The following SCARA5 variants were observed in gnomAD, a reference collection of about 807,000 sequenced individuals.
SCARA5 encodes the protein scavenger receptor class A, member 5 (putative).
A neutral mutation model predicts 46.3 loss-of-function variants in SCARA5; 45 were observed. The observed-to-expected ratio is 0.97, with a 90% CI of 0.76 to 1.24. The LOEUF (loss-of-function observed/expected upper bound fraction) is 1.24, where lower values mean the gene tolerates loss of function less well. Among genes scored for constraint, SCARA5 ranks in the 50% most tolerant of loss-of-function variants. The pLI is 0.00. For synonymous variants in SCARA5, 333 were observed against 306.5 expected (o/e 1.09, Z -0.90); for missense variants, 680 against 689.0 (o/e 0.99, Z 0.15).
chr8:27,917,691 C>T (rs990457595), intron 4 of SCARA5, among the ~76,000 whole-genome samples: 11 of 152,262 alleles, frequency 7.2e-5, no homozygotes, highest in Middle Eastern at 3.4e-3. Context: ...TGTGAGGATT[C>T]GTGGTCTTGA....
At chr8:27,885,628 G>A (rs1806883283) in intron 7 of SCARA5, among the ~76,000 whole-genome samples, 1 of 152,142 alleles carries the variant, frequency 6.6e-6, no homozygotes, top group Non-Finnish European at 1.5e-5. Context: ...CCTGAATGGA[G>A]AATCCAACAT....
chr8:27,927,457 CA>C (rs1354434205), intron 3 of SCARA5, among the ~76,000 whole-genome samples: 1 of 152,202 alleles, frequency 6.6e-6, no homozygotes, highest in South Asian at 2.1e-4. Context: ...TAACTCTGTT[CA>C]TATGCATATT....
At position 27,871,916 on chromosome 8, in the gene SCARA5, C is replaced by T. The variant is rs1317918852; in HGVS notation, c.*18G>A. On this transcript the variant is annotated 3_prime_UTR_variant, in exon 9 of 9. Transcript: ENST00000354914. ...AGGGTGCTCTGTGCAGGACCCCGAA[C>T]TTGGGCTCTGCCCACTTTCAGTGTC... 4.3e-6 allele frequency: 7 copies of T among 1,613,724 alleles called. No homozygotes were observed.
chr8:27,934,242 T>C (rs1163100518), intron 3 of SCARA5, among the ~76,000 whole-genome samples: 2 of 152,012 alleles, frequency 1.3e-5, no homozygotes, highest in African/African-American at 4.8e-5. Context: ...TAGGGATGCC[T>C]GCAGAAGAAA....
At chr8:27,980,562 T>C (rs1027788429) in intron 2 of SCARA5, among the ~76,000 whole-genome samples, 5 of 152,106 alleles carry the variant, frequency 3.3e-5, no homozygotes, top group African/African-American at 1.2e-4. Context: ...CTCCAGGCCA[T>C]GCCCGTCTGC....
chr8:27,990,969 G>C (rs1808778853), intron 1 of SCARA5, among the ~76,000 whole-genome samples: 1 of 152,264 alleles, frequency 6.6e-6, no homozygotes, highest in African/African-American at 2.4e-5. Context: ...TTCAGAGCCA[G>C]GGATCTGCTT....
At chr8:27,891,114 C>T (rs913383978) in intron 7 of SCARA5, among the ~76,000 whole-genome samples, 1 of 152,094 alleles carries the variant, frequency 6.6e-6, no homozygotes, top group Admixed American at 6.6e-5. Flanking sequence ...GACTCTGTAG[C>T]CAGGTGCTCT....
intron 2 of SCARA5, among the ~76,000 whole-genome samples, chr8:27,979,452 G>A (rs1193888358): frequency 6.6e-6 from 1 of 152,190 alleles, no homozygotes; most frequent in Non-Finnish European, 1.5e-5. Context: ...CCATTTCTTA[G>A]AGGAGGGGAA....
intron 1 of SCARA5, among the ~76,000 whole-genome samples, chr8:27,989,713 C>T (rs1369655235): frequency 6.6e-6 from 1 of 152,194 alleles, no homozygotes; most frequent in Non-Finnish European, 1.5e-5. Flanking sequence ...CTCCTCCCTG[C>T]CCCAGACACC....
At chr8:27,942,298 C>A (rs554110247) in intron 3 of SCARA5, among the ~76,000 whole-genome samples, 1 of 152,300 alleles carries the variant, frequency 6.6e-6, no homozygotes, top group Non-Finnish European at 1.5e-5. Context: ...TGCTGGAACG[C>A]ACAGCTTTTC....
At position 27,982,577 on chromosome 8, in the gene SCARA5, C is replaced by T. The variant is rs573593269; in HGVS notation, c.112+4927G>A. Among the ~76,000 whole-genome samples, 249 of 152,220 alleles carry T rather than the reference C, an allele frequency of 1.6e-3. 1 individual carries two copies. Among genetic ancestry groups the T allele is most frequent in the Middle Eastern group, 6.8e-3 (2 of 294 alleles). The stretch of plus-strand genomic sequence containing the variant: ...ATGCTCGGCTATTGCCCAGGATCCA[C>T]GAGGTGAGGAGGATGGGGCCTTCCA... On this transcript the variant is annotated intron_variant, in intron 2 of 8. Transcript: ENST00000354914.
intron 3 of SCARA5, among the ~76,000 whole-genome samples, chr8:27,944,893 C>T (rs151036168): frequency 5.9e-5 from 9 of 152,024 alleles, no homozygotes; most frequent in African/African-American, 1.4e-4. Flanking sequence ...AGGTCAGGCG[C>T]TGTGACTCAT....
intron 3 of SCARA5, among the ~76,000 whole-genome samples, chr8:27,957,347 C>G (rs535411809): frequency 1.3e-5 from 2 of 152,320 alleles, no homozygotes; most frequent in African/African-American, 4.8e-5. Context: ...TAACAAACAC[C>G]AATGATACAT....
chr8:27,922,078 C>CT lies in SCARA5; in HGVS notation c.408dup (p.Asp137ArgfsTer59). On this transcript the variant is annotated frameshift_variant, in exon 4 of 9. Transcript: ENST00000354914. LOFTEE classifies it high-confidence loss of function. The stretch of plus-strand genomic sequence containing the variant: ...GCGCCCGCCAGCGCCAGCAACGAGT[C>CT]TGACTGGTTCTGCAGCGCGTCCTGC... 5 of 1,598,366 alleles carry CT rather than the reference C, an allele frequency of 3.1e-6. No individual in the cohort carries two copies. Among genetic ancestry groups the CT allele is most frequent in the Non-Finnish European group, 4.3e-6 (5 of 1,174,352 alleles).
chr8:27,873,665 G>A (rs554914591), intron 8 of SCARA5, among the ~76,000 whole-genome samples: 21 of 151,166 alleles, frequency 1.4e-4, no homozygotes, highest in South Asian at 4.2e-4. Flanking sequence ...GACTCAACCC[G>A]CCTGCACCCA....
intron 7 of SCARA5, among the ~76,000 whole-genome samples, chr8:27,891,128 G>T (rs997350592): frequency 6.6e-6 from 1 of 152,002 alleles, no homozygotes; most frequent in Non-Finnish European, 1.5e-5. Context: ...GTGCTCTCCT[G>T]AACCTCAACC....
intron 7 of SCARA5, chr8:27,903,085 A>C (rs1237238902): frequency 6.6e-6 from 1 of 152,246 alleles, no homozygotes; most frequent in African/African-American, 2.4e-5. Context: ...AGCAGGGGCA[A>C]GTTTAAGTGT....
At chr8:27,978,024 G>GTTTTTT (rs11357387) in intron 2 of SCARA5, among the ~76,000 whole-genome samples, 6 of 106,626 alleles carry the variant, frequency 5.6e-5, no homozygotes, top group Non-Finnish European at 7.6e-5. Context: ...TGTGTCTTTT[G>GTTTTTT]TTTTTTTTTT....
Position 27,921,800 on chromosome 8 carries a change from G to T in SCARA5, c.687C>A (p.Gly229=). The change falls in exon 4 of 9, where the codon GGC becomes GGA. Residue 229 remains glycine, a synonymous_variant. Transcript: ENST00000354914. ...CGTCGTAGGACAGGCTGTGGTTGAGGCCGCGCAGCACGCCGCCCACGTCGG... is the reference window on the plus strand; with the variant it reads ...CGTCGTAGGACAGGCTGTGGTTGAGTCCGCGCAGCACGCCGCCCACGTCGG... The part of the protein sequence containing the change: ...ELADVGGVLR[G]LNHSLSYDVA... The T allele has an allele frequency of 6.4e-7, 1 of 1,562,284 alleles. No individual in the cohort carries two copies. Among genetic ancestry groups the T allele is most frequent in the South Asian group, 1.2e-5 (1 of 85,598 alleles).
Sources: gnomAD v4.1 joint callset for allele counts (sites outside exome capture counted in the v4.1 genomes callset) on GRCh38, gnomAD v4.1.1 for gene constraint, MANE v1.5 for transcripts, NCBI Gene and HGNC (gene_info 2026-07-23, HGNC 2026-07-21) for gene names.